Variants in ABCA13 observed in about 807,000 individuals in gnomAD.
ABCA13 encodes the protein ATP binding cassette subfamily A member 13.
ABCA13 carries 476 observed loss-of-function variants against 478.7 expected under a neutral mutation model. That is an observed-to-expected ratio of 0.99 (90% CI 0.92 to 1.07). The LOEUF is 1.07. ABCA13 is among the 50% of genes least tolerant of loss of function. The pLI, the probability that ABCA13 is intolerant of heterozygous loss-of-function variation, is 0.00. For synonymous variants in ABCA13, 2,252 were observed against 2,158.9 expected (o/e 1.04, Z -1.20); for missense variants, 6,060 against 5,910.6 (o/e 1.03, Z -0.83).
chr7:48,233,418 G>T (rs914134106), intron 7 of ABCA13, among the ~76,000 whole-genome samples: 1 of 152,040 alleles, frequency 6.6e-6, no homozygotes, highest in Non-Finnish European at 1.5e-5. Flanking sequence ...GGGGGTCTTC[G>T]ATTTATATTT....
chr7:48,414,754 C>T (rs1294251035), intron 41 of ABCA13, among the ~76,000 whole-genome samples: 1 of 152,070 alleles, frequency 6.6e-6, no homozygotes, highest in Non-Finnish European at 1.5e-5. Flanking sequence ...AGGTGTGTGC[C>T]ACTGCATCTG....
chr7:48,501,904 T>C (rs1443560178), intron 48 of ABCA13, among the ~76,000 whole-genome samples: 2 of 152,160 alleles, frequency 1.3e-5, no homozygotes, highest in Non-Finnish European at 1.5e-5. Context: ...ACTCCAGACA[T>C]GTGGGTTCTG....
At chr7:48,605,734 A>G (rs1464597756) in intron 58 of ABCA13, among the ~76,000 whole-genome samples, 1 of 152,032 alleles carries the variant, frequency 6.6e-6, no homozygotes, top group African/African-American at 2.4e-5. Flanking sequence ...TGTTCTCTGT[A>G]TTTCCTGTAT....
chr7:48,552,044 G>A (rs1785374717), intron 55 of ABCA13, among the ~76,000 whole-genome samples: 1 of 151,750 alleles, frequency 6.6e-6, no homozygotes, highest in African/African-American at 2.4e-5. Context: ...AATCATCAAG[G>A]CTTAGTAGTA....
rs184657704 is a variant in ABCA13, at chr7:48,377,885, C to T, written c.11335+1313C>T. ...TACAAAATACATTTGTGATGTCCAT[C>T]TAAAATACAAAGACCAGCAACAAAG... is the stretch of plus-strand genomic sequence containing the variant. On this transcript the variant is annotated intron_variant, in intron 35 of 61. Coordinates refer to ENST00000435803, the MANE Select transcript of ABCA13 (RefSeq NM_152701.5). Among the ~76,000 whole-genome samples, 14 of 152,254 alleles carry T rather than the reference C, an allele frequency of 9.2e-5. No individual in the cohort carries two copies. The East Asian group carries it at 2.7e-3, about 29-fold the overall frequency.
rs758068437 is a variant in ABCA13, at chr7:48,276,001, C to G, written c.6335C>G (p.Ser2112Ter). 1 of 1,612,426 alleles carries G rather than the reference C, an allele frequency of 6.2e-7. No individual in the cohort carries two copies. Among genetic ancestry groups the G allele is most frequent in the East Asian group, 2.2e-5 (1 of 44,812 alleles). The change falls in exon 17 of 62, where the codon TCA (serine) becomes TGA (stop). Residue 2112 changes from serine to a stop codon, truncating the protein, a stop_gained. Transcript: ENST00000435803. LOFTEE classifies it high-confidence loss of function. ...AHFLEILDSP[S>*]LKTLEIIEDF... The stretch of plus-strand genomic sequence containing the variant: ...TTCCTGGAAATCCTGGATTCACCGT[C>G]ATTGAAGACATTAGAAATTATTGAA...
chr7:48,408,550 A>G lies in ABCA13; in HGVS notation c.12071-1970A>G, dbSNP rs372653544. On this transcript the variant is annotated intron_variant, in intron 39 of 61. Transcript: ENST00000435803. ...TCTATTGCTTTTGTGTCTACGTTCCATAGTTTATTTGTAAATGCATCTTTT... is the reference window on the plus strand; with the variant it reads ...TCTATTGCTTTTGTGTCTACGTTCCGTAGTTTATTTGTAAATGCATCTTTT... Among the ~76,000 whole-genome samples, 145 of 152,280 alleles carry G rather than the reference A, an allele frequency of 9.5e-4. 1 individual carries two copies. The highest frequency in any genetic ancestry group is 3.2e-3 in the African/African-American group (135 of 41,546).
chr7:48,184,570 A>T (rs1471595855), intron 1 of ABCA13, among the ~76,000 whole-genome samples: 1 of 152,142 alleles, frequency 6.6e-6, no homozygotes, highest in Non-Finnish European at 1.5e-5. Context: ...CTGTAATCCC[A>T]GCACTTTGGA....
At chr7:48,537,930 A>G (rs1833693172) in intron 55 of ABCA13, among the ~76,000 whole-genome samples, 1 of 152,172 alleles carries the variant, frequency 6.6e-6, no homozygotes, top group African/African-American at 2.4e-5. Flanking sequence ...GTTAAACTTT[A>G]AAATGAAGGT....
intron 55 of ABCA13, among the ~76,000 whole-genome samples, chr7:48,556,081 A>G (rs1281483556): frequency 6.6e-6 from 1 of 151,668 alleles, no homozygotes; most frequent in African/African-American, 2.4e-5. Flanking sequence ...TTGTGATCAT[A>G]TTGTTTAATT....
At chr7:48,255,206 C>G (rs1226736098) in intron 15 of ABCA13, among the ~76,000 whole-genome samples, 1 of 152,148 alleles carries the variant, frequency 6.6e-6, no homozygotes, top group African/African-American at 2.4e-5. Context: ...AGTAGTTCAG[C>G]CTTGAGAAGC....
At chr7:48,554,900 GTGTCCT>G (rs550786710) in intron 55 of ABCA13, among the ~76,000 whole-genome samples, 27 of 151,176 alleles carry the variant, frequency 1.8e-4, no homozygotes, top group African/African-American at 5.1e-4. Flanking sequence ...AGTGGTGAAG[GTGTCCT>G]TGTTGTGTTT....
chr7:48,298,780 G>C (rs760939788), intron 23 of ABCA13, among the ~76,000 whole-genome samples: 2 of 152,200 alleles, frequency 1.3e-5, no homozygotes, highest in Non-Finnish European at 2.9e-5. Flanking sequence ...TTCCAGCCCT[G>C]ATGCATGACA....
intron 2 of ABCA13, among the ~76,000 whole-genome samples, chr7:48,194,660 G>A (rs184635035): frequency 5.7e-4 from 86 of 152,098 alleles, no homozygotes; most frequent in African/African-American, 2.0e-3. Flanking sequence ...CATCAATAAG[G>A]GTTTAATAAG....
intron 58 of ABCA13, among the ~76,000 whole-genome samples, chr7:48,602,665 C>T (rs1221436329): frequency 1.3e-5 from 2 of 152,022 alleles, no homozygotes; most frequent in East Asian, 3.9e-4. Context: ...CGTGATGCCC[C>T]CAGCTTTGTT....
At chr7:48,325,814 A>G (rs779376367) in intron 27 of ABCA13, among the ~76,000 whole-genome samples, 7 of 152,242 alleles carry the variant, frequency 4.6e-5, no homozygotes, top group Non-Finnish European at 7.3e-5. Context: ...CAAGGAAGAA[A>G]CAGAACTACA....
chr7:48,455,375 A>G, intron 43 of ABCA13, 89 bp downstream of exon 43: 1 of 1,426,934 alleles, frequency 7.0e-7, no homozygotes, highest in Non-Finnish European at 9.4e-7. Context: ...AATTCTAGAT[A>G]AAAACTGGAA....
chr7:48,610,348 G>A (rs1387812165), intron 58 of ABCA13, among the ~76,000 whole-genome samples: 1 of 152,210 alleles, frequency 6.6e-6, no homozygotes, highest in South Asian at 2.1e-4. Context: ...CTGAAGCAAG[G>A]GGTAGATTGC....
chr7:48,523,130 T>C (rs1832667651), intron 53 of ABCA13, among the ~76,000 whole-genome samples: 1 of 152,214 alleles, frequency 6.6e-6, no homozygotes, highest in South Asian at 2.1e-4. Context: ...AGCTGCACCC[T>C]AGGTAACTGC....
Sources: allele counts gnomAD v4.1 joint callset (sites outside exome capture counted in the v4.1 genomes callset), GRCh38; gene constraint gnomAD v4.1.1; transcripts MANE v1.5; gene names NCBI Gene and HGNC (gene_info 2026-07-23, HGNC 2026-07-21).